The following C10orf90 variants were observed in gnomAD, a reference collection of about 807,000 sequenced individuals.
C10orf90 encodes (E2-independent) E3 ubiquitin-conjugating enzyme FATS.
In C10orf90, 56 loss-of-function variants were observed where a neutral mutation model predicts 62.5. The ratio of observed to expected loss-of-function variants is 0.90; its 90% CI spans 0.72 to 1.12. C10orf90 has a LOEUF of 1.12. Among genes scored for constraint, C10orf90 ranks in the 50% most tolerant of loss-of-function variants. C10orf90 has a pLI of 0.00. For synonymous variants in C10orf90, 386 were observed against 340.4 expected, an observed-to-expected ratio of 1.13 and a Z score of -1.47; for missense variants, 970 against 880.4, an observed-to-expected ratio of 1.10 and a Z score of -1.29.
chr10:126,432,137 G>A (rs1857608560), intron 7 of C10orf90, among the ~76,000 whole-genome samples: 1 of 152,200 alleles, frequency 6.6e-6, no homozygotes, highest in Admixed American at 6.5e-5. Flanking sequence ...CTAGCCTGGA[G>A]GAAAGAGACA....
At chr10:126,582,999 T>G (rs977903004) in intron 2 of C10orf90, among the ~76,000 whole-genome samples, 1 of 152,210 alleles carries the variant, frequency 6.6e-6, no homozygotes, top group Non-Finnish European at 1.5e-5. Flanking sequence ...GGATAATTCT[T>G]AGTTGTTGGG....
chr10:126,484,019 C>T (rs972634098), intron 4 of C10orf90, among the ~76,000 whole-genome samples: 2 of 152,194 alleles, frequency 1.3e-5, no homozygotes, highest in African/African-American at 4.8e-5. Context: ...ATAAGCCTGA[C>T]ATTGACTCAT....
intron 4 of C10orf90, among the ~76,000 whole-genome samples, chr10:126,480,977 C>T (rs555480217): frequency 4.0e-5 from 6 of 151,570 alleles, no homozygotes; most frequent in Admixed American, 6.6e-5. Flanking sequence ...CTCTGCTCAC[C>T]TCCATGAGCC....
At chr10:126,604,340 C>A (rs958207366) in intron 2 of C10orf90, among the ~76,000 whole-genome samples, 2 of 152,180 alleles carry the variant, frequency 1.3e-5, no homozygotes, top group African/African-American at 2.4e-5. Context: ...AAAATGCCTG[C>A]AGGTAATTTA....
chr10:126,598,815 G>T (rs926464777), intron 2 of C10orf90, among the ~76,000 whole-genome samples: 2 of 152,162 alleles, frequency 1.3e-5, no homozygotes, highest in African/African-American at 4.8e-5. Context: ...GTAAGGAGGG[G>T]AAAGGAATGG....
chr10:126,670,188 A>G lies in C10orf90; in HGVS notation c.240+53T>C, dbSNP rs1466888375. The G allele has an allele frequency of 1.8e-5, 8 of 445,238 alleles. No homozygotes were observed. The East Asian group carries it at 3.5e-4, about 20-fold the overall frequency. 27.6% of individuals were successfully genotyped at this position (445,238 alleles called of 1,614,324 possible). On this transcript the variant is annotated intron_variant, in intron 1 of 9. Coordinates refer to ENST00000488181, the MANE Select transcript of C10orf90 (RefSeq NM_001350921.2). ...GAACTGTCTGATGAGCAACACGTCC[A>G]TCTCTCTCTGAGTCAAGCGTGTACC...
intron 2 of C10orf90, among the ~76,000 whole-genome samples, chr10:126,529,573 G>C (rs1864039547): frequency 6.6e-6 from 1 of 152,186 alleles, no homozygotes; most frequent in African/African-American, 2.4e-5. Flanking sequence ...AGACAAAATA[G>C]GCATTTCTCA....
intron 4 of C10orf90, among the ~76,000 whole-genome samples, chr10:126,468,354 G>A (rs1010192293): frequency 5.9e-5 from 9 of 152,150 alleles, no homozygotes; most frequent in Non-Finnish European, 5.9e-5. Context: ...GGCGTGAGCC[G>A]CCGCGCCTGG....
At chr10:126,525,940 G>T (rs1194498813) in intron 2 of C10orf90, among the ~76,000 whole-genome samples, 2 of 151,170 alleles carry the variant, frequency 1.3e-5, no homozygotes, top group African/African-American at 4.9e-5. Context: ...TTCAATTTAG[G>T]CAAGAACAGG....
chr10:126,456,087 G>A lies in C10orf90; in HGVS notation c.2188+2953C>T, dbSNP rs572958457. 2.5e-4 allele frequency among the ~76,000 whole-genome samples: 38 copies of A among 152,342 alleles called. No individual in the cohort carries two copies. The highest frequency in any genetic ancestry group is 7.5e-4 in the African/African-American group (31 of 41,576). On this transcript the variant is annotated intron_variant, in intron 7 of 9. Coordinates refer to ENST00000488181, the MANE Select transcript of C10orf90 (RefSeq NM_001350921.2). This position sits in a 1 kb window ranked among gnomAD's most constrained non-coding sequence, Gnocchi z 4.9. ...CGCCTTGACACTGTAGCCAAAGCTCGTTCACGCATATGATTTATGAACTAA... is the reference window on the plus strand; with the variant it reads ...CGCCTTGACACTGTAGCCAAAGCTCATTCACGCATATGATTTATGAACTAA...
chr10:126,649,242 C>T (rs192594524), intron 1 of C10orf90, among the ~76,000 whole-genome samples: 456 of 152,200 alleles, frequency 3.0e-3, no homozygotes, highest in Admixed American at 3.5e-3. Flanking sequence ...TCAGCTGGAC[C>T]CCAGGTCTTA....
chr10:126,432,707 C>T (rs1285116997), intron 7 of C10orf90, among the ~76,000 whole-genome samples: 1 of 152,148 alleles, frequency 6.6e-6, no homozygotes, highest in Non-Finnish European at 1.5e-5. Context: ...GGTGCAGAGG[C>T]GAGAGCGAAG....
intron 2 of C10orf90, among the ~76,000 whole-genome samples, chr10:126,600,709 G>A (rs1319471905): frequency 6.6e-6 from 1 of 152,016 alleles, no homozygotes; most frequent in African/African-American, 2.4e-5. Context: ...AAGACTGAAT[G>A]TGTGTGTGTG....
chr10:126,610,049 T>C (rs1845399822), intron 2 of C10orf90, among the ~76,000 whole-genome samples: 1 of 152,144 alleles, frequency 6.6e-6, no homozygotes, highest in South Asian at 2.1e-4. Flanking sequence ...ATCATGAGTG[T>C]CTGGGTTAGC....
chr10:126,473,911 G>A (rs1165884154), intron 4 of C10orf90, among the ~76,000 whole-genome samples: 1 of 152,068 alleles, frequency 6.6e-6, no homozygotes, highest in Non-Finnish European at 1.5e-5. Context: ...TGATGCTACT[G>A]CTCCAGGAAC....
intron 7 of C10orf90, among the ~76,000 whole-genome samples, chr10:126,449,630 C>T (rs1011489133): frequency 6.6e-6 from 1 of 152,012 alleles, no homozygotes; most frequent in Non-Finnish European, 1.5e-5. Context: ...TGTAGAAACC[C>T]CTAAAAACTC....
intron 1 of C10orf90, among the ~76,000 whole-genome samples, chr10:126,663,106 T>C (rs1846551312): frequency 1.3e-5 from 2 of 152,048 alleles, no homozygotes; most frequent in South Asian, 4.1e-4. Context: ...GGACCTAGAG[T>C]GGCAAAAACA....
chr10:126,444,235 A>C (rs956047104), intron 7 of C10orf90, among the ~76,000 whole-genome samples: 7 of 152,046 alleles, frequency 4.6e-5, no homozygotes, highest in African/African-American at 1.7e-4. Context: ...TCAAACTGTC[A>C]CTGTTTGCTG....
At chr10:126,439,541 A>G (rs373160524) in intron 7 of C10orf90, among the ~76,000 whole-genome samples, 1 of 152,204 alleles carries the variant, frequency 6.6e-6, no homozygotes, top group African/African-American at 2.4e-5. Context: ...TGATCCAACT[A>G]TAAGAGAACA....
Sources: gnomAD v4.1 joint callset for allele counts (sites outside exome capture counted in the v4.1 genomes callset) on GRCh38, gnomAD v4.1.1 for gene constraint, Gnocchi (gnomAD v3.1) non-coding constraint, MANE v1.5 for transcripts, NCBI Gene and HGNC (gene_info 2026-07-23, HGNC 2026-07-21) for gene names.